Variants in ECI2 observed in about 807,000 individuals in gnomAD.
ECI2 encodes enoyl-CoA delta isomerase 2, also known as D3,D2-enoyl-CoA isomerase.
In ECI2, 27 loss-of-function variants were observed where a neutral mutation model predicts 38.4. The observed-to-expected ratio is 0.70, with a 90% CI of 0.52 to 0.97. The LOEUF is 0.97. Among genes scored for constraint, ECI2 ranks in the 50% least tolerant of loss-of-function variants. The pLI is 0.00. For missense variants in ECI2, 470 were observed against 474.4 expected (o/e 0.99, Z 0.09); for synonymous variants, 168 against 172.0 (o/e 0.98, Z 0.18).
At chr6:4,133,087 CT>C (rs1773568124) in intron 2 of ECI2, among the ~76,000 whole-genome samples, 1 of 152,012 alleles carries the variant, frequency 6.6e-6, no homozygotes, top group Non-Finnish European at 1.5e-5. Flanking sequence ...TCTTTTTGTG[CT>C]TAGAGAACTT....
At chr6:4,130,025 A>G in intron 4 of ECI2, 1 of 1,191,532 alleles carries the variant, frequency 8.4e-7, no homozygotes, top group Non-Finnish European at 1.2e-6. Flanking sequence ...TTTCATGTCT[A>G]AGTGACATGA....
intron 7 of ECI2, among the ~76,000 whole-genome samples, chr6:4,123,226 G>C (rs1397979972): frequency 1.3e-5 from 2 of 151,670 alleles, no homozygotes; most frequent in Non-Finnish European, 2.9e-5. Flanking sequence ...ACCTAGGCTG[G>C]AGTGCAGTGG....
At chr6:4,134,422 T>C (rs1160200899) in intron 1 of ECI2, among the ~76,000 whole-genome samples, 3 of 151,742 alleles carry the variant, frequency 2.0e-5, no homozygotes, top group Admixed American at 6.6e-5. Context: ...ACCGCGGGGG[T>C]GATCAGCACG....
At position 4,133,622 on chromosome 6, in the gene ECI2, A is replaced by G. The variant is rs1042800940; in HGVS notation, c.140T>C (p.Met47Thr). The part of the protein sequence containing the change: ...RASQKDFENS[M>T]NQVKLLKKDP... The stretch of plus-strand genomic sequence containing the variant: ...CTTTTTCAAGAGTTTCACTTGATTC[A>G]TTGAATTTTCAAAGTCCTTCTGACT... The change falls in exon 2 of 10, where the codon ATG becomes ACG. Residue 47 changes from methionine to threonine, a missense_variant. Met to Thr is a moderately conservative substitution (Grantham distance 81). Transcript: ENST00000380118. The G allele has an allele frequency of 6.2e-7, 1 of 1,613,862 alleles. No individual in the cohort carries two copies. The highest frequency in any genetic ancestry group is 1.3e-5 in the African/African-American group (1 of 74,910).
At position 4,119,207 on chromosome 6, in the gene ECI2, C is replaced by T. The variant is rs576953726; in HGVS notation, c.864G>A (p.Pro288=). 104 of 1,613,348 alleles carry T rather than the reference C, an allele frequency of 6.4e-5. No individual in the cohort carries two copies. The East Asian group carries it at 1.1e-3, about 18-fold the overall frequency. The part of the protein sequence containing the change: ...SPEGCSSYTF[P]KIMSPAKATE... Reference sequence around the variant, plus strand: ...TTACCTTGGCTGGGCTCATTATCTTCGGAAAAGTGTAAGAGGAGCATCCTT... The same window carrying T: ...TTACCTTGGCTGGGCTCATTATCTTTGGAAAAGTGTAAGAGGAGCATCCTT... The change falls in exon 8 of 10, where the codon CCG becomes CCA. Residue 288 remains proline, a synonymous_variant. Transcript: ENST00000380118.
rs575728401 is a variant in ECI2 at position 4,128,631 on chromosome 6, C to T, written c.502-800G>A. Among the ~76,000 whole-genome samples, 13 of 152,258 alleles carry T rather than the reference C, an allele frequency of 8.5e-5. No individual in the cohort carries two copies. The South Asian group carries it at 2.7e-3, about 32-fold the overall frequency. Reference sequence around the variant, plus strand: ...GACAACCAATCACAGATCAAAAATACCTGGAAAAGAATTCTGTATCTATAC... The same window carrying T: ...GACAACCAATCACAGATCAAAAATATCTGGAAAAGAATTCTGTATCTATAC... On this transcript the variant is annotated intron_variant, in intron 4 of 9. Coordinates refer to ENST00000380118, the MANE Select transcript of ECI2 (RefSeq NM_206836.3).
Position 4,127,799 on chromosome 6 carries a change from A to G in ECI2, c.534T>C (p.Ala178=), listed in dbSNP as rs1209534335. ...MYHEIMRALK[A]ASKDDSIITV... Reference sequence around the variant, plus strand: ...TGATGATTGAGTCATCCTTGCTGGCAGCTTTAAGTGCACGCATAATTTCAT... The same window carrying G: ...TGATGATTGAGTCATCCTTGCTGGCGGCTTTAAGTGCACGCATAATTTCAT... The change falls in exon 5 of 10, where the codon GCT becomes GCC. Residue 178 remains alanine (A), a synonymous_variant. Transcript: ENST00000380118. 2.5e-6 allele frequency: 4 copies of G among 1,613,362 alleles called. No individual in the cohort carries two copies. The highest frequency in any genetic ancestry group is 1.3e-5 in the African/African-American group (1 of 74,902).
At chr6:4,117,161 G>T in intron 9 of ECI2, 147 bp downstream of exon 9, 1 of 1,028,458 alleles carries the variant, frequency 9.7e-7, no homozygotes, top group Non-Finnish European at 1.4e-6. Context: ...CATTACTACA[G>T]TTATTTTTTA....
intron 7 of ECI2, among the ~76,000 whole-genome samples, 177 bp from the exon 8 acceptor site, chr6:4,119,452 C>A (rs373975392): frequency 1.3e-5 from 2 of 152,170 alleles, no homozygotes; most frequent in African/African-American, 4.8e-5. Context: ...TCCACAGCAG[C>A]TACGATTACA....
At position 4,115,767 on chromosome 6, in the gene ECI2, T is replaced by C; in HGVS notation, c.*107A>G. ...TGAAATATCATCATTGTAATTGATATTCTAGCACTACAAAAGGCACAATGA... is the reference window on the plus strand; with the variant it reads ...TGAAATATCATCATTGTAATTGATACTCTAGCACTACAAAAGGCACAATGA... On this transcript the variant is annotated 3_prime_UTR_variant, in exon 10 of 10. Coordinates refer to ENST00000380118, the MANE Select transcript of ECI2 (RefSeq NM_206836.3). The C allele has an allele frequency of 7.0e-7, 1 of 1,433,884 alleles. No homozygotes were observed. Among genetic ancestry groups the C allele is most frequent in the Non-Finnish European group, 9.5e-7 (1 of 1,049,914 alleles). The allele number at this position is 1,433,884 out of a possible 1,614,324, so 88.8% of individuals were successfully genotyped here.
At chr6:4,125,897 T>C (rs1184251055) in intron 6 of ECI2, 5 of 633,584 alleles carry the variant, frequency 7.9e-6, no homozygotes, top group Non-Finnish European at 1.4e-5. Flanking sequence ...TATAGCTCAC[T>C]TTTATGTTTT....
At chr6:4,117,250 A>C (rs539719453) in intron 9 of ECI2, 58 bp downstream of exon 9, 8 of 1,535,526 alleles carry the variant, frequency 5.2e-6, no homozygotes, top group South Asian at 3.9e-5. Context: ...AAGGCAAATA[A>C]ATTTTTCCCT....
rs75977305 is a variant in ECI2, at chr6:4,121,780, G to A, written c.796-2505C>T. ...AATGTTAATTTAAAATTCATAATATGTAAAAGAATATTTAGATTTCATTTC... is the reference window on the plus strand; with the variant it reads ...AATGTTAATTTAAAATTCATAATATATAAAAGAATATTTAGATTTCATTTC... On this transcript the variant is annotated intron_variant, in intron 7 of 9. Coordinates refer to ENST00000380118, the MANE Select transcript of ECI2 (RefSeq NM_206836.3). Among the ~76,000 whole-genome samples the A allele has an allele frequency of 3.5e-4, 52 of 150,678 alleles. No individual in the cohort carries two copies. In the East Asian group the frequency reaches 5.3e-3, roughly 15 times the overall value.
intron 7 of ECI2, among the ~76,000 whole-genome samples, chr6:4,122,645 GCCA>G (rs1285146433): frequency 2.0e-5 from 3 of 151,438 alleles, no homozygotes; most frequent in Non-Finnish European, 4.4e-5. Context: ...ACAGGCGCCT[GCCA>G]CCACACCTGG....
intron 5 of ECI2, among the ~76,000 whole-genome samples, chr6:4,127,404 CTTTTTTTT>C (rs71001567): frequency 5.5e-4 from 42 of 75,894 alleles, no homozygotes; most frequent in East Asian, 5.2e-3. Context: ...ATCTTAGAGC[CTTTTTTTT>C]TTTTTTTTTT....
Position 4,117,328 on chromosome 6 carries a change from A to G in ECI2, c.1009T>C (p.Phe337Leu). ...QKEVWTRLKA[F>L]AKLPPNALRI... ...CTAACATTTGGGGGAAGCTTTGCAA[A>G]TGCCTTCAGCCTGGTCCAGACTTCT... is the stretch of plus-strand genomic sequence containing the variant. Residue 337 changes from phenylalanine to leucine, a missense_variant, in exon 9 of 10, where the codon TTT becomes CTT. Phe to Leu is a conservative substitution (Grantham distance 22). Coordinates refer to ENST00000380118, the MANE Select transcript of ECI2 (RefSeq NM_206836.3). 6.2e-7 allele frequency: 1 copy of G among 1,604,660 alleles called. No individual in the cohort carries two copies. Among genetic ancestry groups the G allele is most frequent in the African/African-American group, 1.3e-5 (1 of 74,226 alleles).
intron 2 of ECI2, among the ~76,000 whole-genome samples, chr6:4,132,446 G>A (rs1457285091): frequency 1.3e-5 from 2 of 151,960 alleles, no homozygotes; most frequent in African/African-American, 4.8e-5. Flanking sequence ...ACTCCTACCA[G>A]TCATTAGAGA....
chr6:4,125,499 G>A (rs571595270), intron 6 of ECI2, 129 bp from the exon 7 acceptor site: 10 of 1,331,130 alleles, frequency 7.5e-6, no homozygotes, highest in Non-Finnish European at 1.0e-5. Flanking sequence ...CACCAGCAGT[G>A]CCTCCTTGTC....
chr6:4,130,601 G>T (rs1161660638), intron 3 of ECI2, 41 bp from the exon 4 acceptor site: 1 of 1,613,752 alleles, frequency 6.2e-7, no homozygotes, highest in African/African-American at 1.3e-5. Context: ...CATGGTCAAT[G>T]AATAAGCACT....
Sources: allele counts gnomAD v4.1 joint callset (sites outside exome capture counted in the v4.1 genomes callset), GRCh38; gene constraint gnomAD v4.1.1; transcripts MANE v1.5; gene names NCBI Gene and HGNC (gene_info 2026-07-23, HGNC 2026-07-21).